Variants in GHR observed in about 807,000 individuals in gnomAD.
GHR encodes the protein growth hormone receptor.
GHR carries 35 observed loss-of-function variants against 67.1 expected under a neutral mutation model. The observed-to-expected ratio is 0.52, with a 90% CI of 0.40 to 0.69. The LOEUF (loss-of-function observed/expected upper bound fraction) is 0.69, where lower values mean the gene tolerates loss of function less well. GHR is among the 30% of genes least tolerant of loss of function. The pLI is 0.00. For missense variants in GHR, 792 were observed against 764.6 expected (o/e 1.04, Z -0.42); for synonymous variants, 272 against 269.1 (o/e 1.01, Z -0.10).
At chr5:42,617,936 C>T (rs1472046560) in intron 2 of GHR, among the ~76,000 whole-genome samples, 1 of 152,104 alleles carries the variant, frequency 6.6e-6, no homozygotes, top group African/African-American at 2.4e-5. Flanking sequence ...TAATTTTCCA[C>T]TTTAAACAAT....
chr5:42,617,006 A>G (rs1024900948), intron 2 of GHR, among the ~76,000 whole-genome samples: 2 of 152,094 alleles, frequency 1.3e-5, no homozygotes, highest in Admixed American at 6.6e-5. Flanking sequence ...ATTAGGAAGT[A>G]GAGACAGCCA....
At chr5:42,451,682 G>A (rs1326787108) in intron 1 of GHR, among the ~76,000 whole-genome samples, 1 of 139,274 alleles carries the variant, frequency 7.2e-6, no homozygotes, top group African/African-American at 2.8e-5. Flanking sequence ...TCCAGCTTGG[G>A]CAACAGAGCA....
intron 1 of GHR, among the ~76,000 whole-genome samples, chr5:42,562,776 G>A (rs375416475): frequency 5.4e-5 from 8 of 148,442 alleles, no homozygotes; most frequent in Non-Finnish European, 8.9e-5. Context: ...TCAGCCTCCC[G>A]AGTAGCTGGG....
intron 1 of GHR, among the ~76,000 whole-genome samples, chr5:42,479,121 T>G (rs979525248): frequency 1.3e-5 from 2 of 152,236 alleles, no homozygotes; most frequent in African/African-American, 4.8e-5. Context: ...ACAAAGGCCT[T>G]TTCTGCGTCT....
chr5:42,500,831 G>A (rs143419955), intron 1 of GHR, among the ~76,000 whole-genome samples: 11 of 152,266 alleles, frequency 7.2e-5, no homozygotes, highest in South Asian at 2.1e-4. Flanking sequence ...GCTGACATCC[G>A]TAACAATGAC....
At chr5:42,500,352 C>A (rs1218111748) in intron 1 of GHR, among the ~76,000 whole-genome samples, 2 of 152,218 alleles carry the variant, frequency 1.3e-5, no homozygotes, top group African/African-American at 4.8e-5. Flanking sequence ...AGCTCTGGGG[C>A]CAGATCACCT....
chr5:42,468,423 C>T, intron 1 of GHR: 1 of 1,044,680 alleles, frequency 9.6e-7, no homozygotes, highest in Non-Finnish European at 1.4e-6. Flanking sequence ...CTTGAGTTTC[C>T]TCCCAGGGCC....
At chr5:42,603,239 A>T (rs904279902) in intron 2 of GHR, among the ~76,000 whole-genome samples, 2 of 151,986 alleles carry the variant, frequency 1.3e-5, no homozygotes, top group Non-Finnish European at 2.9e-5. Flanking sequence ...TACTACAGAG[A>T]TTTCATTATA....
At chr5:42,468,918 G>T (rs1246467412) in intron 1 of GHR, 2 of 553,972 alleles carry the variant, frequency 3.6e-6, no homozygotes, top group East Asian at 3.3e-5. Flanking sequence ...GCTGCGCCGA[G>T]CCAAGAGCGC....
At chr5:42,461,937 T>C (rs1561316822) in intron 1 of GHR, among the ~76,000 whole-genome samples, 3 of 152,242 alleles carry the variant, frequency 2.0e-5, no homozygotes, top group South Asian at 2.1e-4. Flanking sequence ...ACTTTGCCTC[T>C]GGCAGACCCC....
chr5:42,680,722 C>G (rs1171323515), intron 3 of GHR, among the ~76,000 whole-genome samples: 5 of 151,998 alleles, frequency 3.3e-5, no homozygotes, highest in Non-Finnish European at 7.4e-5. Context: ...ACAGGCTGGC[C>G]TCGAACTCCT....
chr5:42,716,597 G>A (rs1758735490), intron 8 of GHR, among the ~76,000 whole-genome samples: 2 of 152,174 alleles, frequency 1.3e-5, no homozygotes, highest in African/African-American at 4.8e-5. Flanking sequence ...CCATAGTTTA[G>A]TGCAAAGTAT....
intron 1 of GHR, among the ~76,000 whole-genome samples, chr5:42,549,301 C>A (rs1748895017): frequency 1.3e-5 from 2 of 152,210 alleles, no homozygotes; most frequent in Admixed American, 1.3e-4. Flanking sequence ...CTTCCAAACA[C>A]CTCTTTGAAA....
intron 2 of GHR, among the ~76,000 whole-genome samples, chr5:42,588,160 T>C (rs1278905410): frequency 2.0e-5 from 3 of 152,188 alleles, no homozygotes; most frequent in African/African-American, 7.2e-5. Flanking sequence ...CTGCAGATGT[T>C]AAGAGGCTTC....
intron 1 of GHR, among the ~76,000 whole-genome samples, chr5:42,447,288 T>C (rs1281523118): frequency 1.3e-5 from 2 of 152,136 alleles, no homozygotes; most frequent in Non-Finnish European, 2.9e-5. Context: ...CTTTTATCCT[T>C]CACCCCCTCC....
At chr5:42,649,875 A>G (rs1317221453) in intron 3 of GHR, among the ~76,000 whole-genome samples, 1 of 152,212 alleles carries the variant, frequency 6.6e-6, no homozygotes, top group Non-Finnish European at 1.5e-5. Context: ...AAACAAGGTG[A>G]CAGGTTGAGA....
Position 42,439,729 on chromosome 5 carries a change from T to C in GHR, c.-12+15774T>C, listed in dbSNP as rs199958498. Among the ~76,000 whole-genome samples, 3 of 152,222 alleles carry C rather than the reference T, an allele frequency of 2.0e-5. No individual in the cohort carries two copies. In the East Asian group the frequency reaches 5.8e-4, roughly 29 times the overall value. On this transcript the variant is annotated intron_variant, in intron 1 of 9. Coordinates refer to ENST00000230882, the MANE Select transcript of GHR (RefSeq NM_000163.5). The stretch of plus-strand genomic sequence containing the variant: ...TCTTTTAAAAAATATGTGAAAGTGA[T>C]TTTTTAATATATTTACAAAGTGATC...
intron 1 of GHR, among the ~76,000 whole-genome samples, chr5:42,498,344 G>T (rs1057421838): frequency 1.3e-5 from 2 of 152,168 alleles, no homozygotes; most frequent in African/African-American, 4.8e-5. Flanking sequence ...CTGATTGGAA[G>T]GGTAAAAGGG....
intron 1 of GHR, among the ~76,000 whole-genome samples, chr5:42,426,581 C>A (rs2111866000): frequency 6.6e-6 from 1 of 152,210 alleles, no homozygotes; most frequent in Admixed American, 6.5e-5. Context: ...TCCATACAAG[C>A]CAATACTTTT....
Sources: allele counts gnomAD v4.1 joint callset (sites outside exome capture counted in the v4.1 genomes callset), GRCh38; gene constraint gnomAD v4.1.1; transcripts MANE v1.5; gene names NCBI Gene and HGNC (gene_info 2026-07-23, HGNC 2026-07-21).